The following CMSS1 variants were observed in gnomAD, a reference collection of about 807,000 sequenced individuals.
CMSS1 encodes protein CMSS1.
A neutral mutation model predicts 43.5 loss-of-function variants in CMSS1; 33 were observed. The observed-to-expected ratio is 0.76, with a 90% CI of 0.57 to 1.01. The LOEUF is 1.01. CMSS1 is among the 50% of genes least tolerant of loss of function. The pLI is 0.00. For synonymous variants in CMSS1, 115 were observed against 117.2 expected (o/e 0.98, Z 0.12); for missense variants, 313 against 326.4 (o/e 0.96, Z 0.32).
At chr3:100,005,560 A>G (rs1046969312) in intron 1 of CMSS1, among the ~76,000 whole-genome samples, 1 of 152,256 alleles carries the variant, frequency 6.6e-6, no homozygotes, top group African/African-American at 2.4e-5. Flanking sequence ...GTAATAAACC[A>G]AATTTTACAA....
chr3:100,010,855 C>CT (rs1390017437), intron 1 of CMSS1, among the ~76,000 whole-genome samples: 2 of 148,866 alleles, frequency 1.3e-5, no homozygotes, highest in African/African-American at 5.0e-5. Flanking sequence ...TCTCGAACTC[C>CT]TGACCTCATG....
intron 1 of CMSS1, chr3:99,875,996 G>GC: frequency 1.1e-6 from 1 of 933,200 alleles, no homozygotes; most frequent in Non-Finnish European, 1.3e-6. Flanking sequence ...AGCTTTAACA[G>GC]CCACCCACAG....
intron 1 of CMSS1, among the ~76,000 whole-genome samples, chr3:99,864,375 T>C (rs1219594277): frequency 6.6e-6 from 1 of 152,194 alleles, no homozygotes; most frequent in Non-Finnish European, 1.5e-5. Flanking sequence ...TCTCACTTAA[T>C]ACTTATAGCA....
At chr3:100,115,639 C>G (rs2066559506) in intron 1 of CMSS1, among the ~76,000 whole-genome samples, 1 of 137,128 alleles carries the variant, frequency 7.3e-6, no homozygotes, top group Middle Eastern at 3.6e-3. Flanking sequence ...GTCTCTCTCT[C>G]TCATCCTCCT....
intron 1 of CMSS1, among the ~76,000 whole-genome samples, chr3:99,872,878 C>T (rs1705304225): frequency 6.6e-6 from 1 of 150,540 alleles, no homozygotes; most frequent in Non-Finnish European, 1.5e-5. Context: ...CAGGCAGAGA[C>T]GATGTTAGTG....
At chr3:100,036,051 A>G (rs934417989) in intron 1 of CMSS1, among the ~76,000 whole-genome samples, 4 of 152,212 alleles carry the variant, frequency 2.6e-5, no homozygotes, top group Non-Finnish European at 5.9e-5. Flanking sequence ...ATAGAACCCA[A>G]AACTAAAAAC....
intron 1 of CMSS1, chr3:99,833,063 C>G (rs1322236359): frequency 1.6e-6 from 1 of 640,218 alleles, no homozygotes; most frequent in Non-Finnish European, 2.8e-6. Context: ...AGTGAATGTT[C>G]TACTCAGAGT....
In CMSS1 at chr3:99,871,724, T is replaced by A. The variant is rs1370531062; in HGVS notation, c.64+53681T>A. 3.3e-5 allele frequency among the ~76,000 whole-genome samples: 5 copies of A among 152,160 alleles called. No homozygotes were observed. In the East Asian group the frequency reaches 5.8e-4, roughly 18 times the overall value. ...TTAGCTGGAAGATACTAATAGAAGG[T>A]CATTTGTCAAGTTAGTGGTTCAGAC... is the stretch of plus-strand genomic sequence containing the variant. On this transcript the variant is annotated intron_variant, in intron 1 of 9. Transcript: ENST00000421999.
At position 100,062,100 on chromosome 3, in the gene CMSS1, T is replaced by C. The variant is rs2065579359; in HGVS notation, c.65-84873T>C. On this transcript the variant is annotated intron_variant, in intron 1 of 9. Coordinates refer to ENST00000421999, the MANE Select transcript of CMSS1 (RefSeq NM_032359.4). The stretch of plus-strand genomic sequence containing the variant: ...TGGTTATCCTGTCTTCTTCTTTTTT[T>C]TTTTTTTTTTTTTTTTTTTTTTTTT... Among the ~76,000 whole-genome samples, 3 of 58,384 alleles carry C rather than the reference T, an allele frequency of 5.1e-5. No homozygotes were observed. In the Admixed American group the frequency reaches 5.4e-4, roughly 10 times the overall value. The allele number at this position is 58,384 out of a possible 152,430, so 38.3% of individuals were successfully genotyped here.
intron 1 of CMSS1, among the ~76,000 whole-genome samples, chr3:99,835,563 A>T (rs1337614809): frequency 6.6e-6 from 1 of 152,196 alleles, no homozygotes; most frequent in Non-Finnish European, 1.5e-5. Context: ...ATGCCCAGAG[A>T]GCCTGTTAGG....
chr3:100,159,776 G>A (rs2067006948), intron 2 of CMSS1: 1 of 360,822 alleles, frequency 2.8e-6, no homozygotes, highest in East Asian at 7.5e-5. Context: ...TACTAAACTG[G>A]GGTACTCAGG....
chr3:100,134,582 G>A lies in CMSS1; in HGVS notation c.65-12391G>A, dbSNP rs991128517. On this transcript the variant is annotated intron_variant, in intron 1 of 9. Transcript: ENST00000421999. ...ACAGATAATATTAATAAACCAGATG[G>A]GATATAGGGAAAACAAGTATAAATC... Among the ~76,000 whole-genome samples, 4 of 152,166 alleles carry A rather than the reference G, an allele frequency of 2.6e-5. No homozygotes were observed. In the South Asian group the frequency reaches 6.2e-4, roughly 24 times the overall value.
At chr3:99,916,455 CA>C (rs1559686859) in intron 1 of CMSS1, among the ~76,000 whole-genome samples, 11 of 150,970 alleles carry the variant, frequency 7.3e-5, no homozygotes, top group African/African-American at 2.2e-4. Flanking sequence ...CACACACACA[CA>C]CACACACACA....
chr3:99,850,899 T>C, intron 1 of CMSS1: 1 of 1,614,194 alleles, frequency 6.2e-7, no homozygotes, highest in Non-Finnish European at 8.5e-7. Context: ...GCTCTTGGAT[T>C]TTCTGTCTTT....
intron 1 of CMSS1, among the ~76,000 whole-genome samples, chr3:99,866,516 T>C (rs894240057): frequency 6.6e-6 from 1 of 152,172 alleles, no homozygotes; most frequent in Non-Finnish European, 1.5e-5. Context: ...TGTGAAACAT[T>C]TTGATCCTTA....
chr3:99,996,280 CAA>C (rs1709678283), intron 1 of CMSS1, among the ~76,000 whole-genome samples: 1 of 152,186 alleles, frequency 6.6e-6, no homozygotes, highest in Non-Finnish European at 1.5e-5. Context: ...TAAAACATAA[CAA>C]GAGTCACCTT....
At chr3:100,115,231 G>A (rs145354113) in intron 1 of CMSS1, among the ~76,000 whole-genome samples, 1 of 152,082 alleles carries the variant, frequency 6.6e-6, no homozygotes, top group Non-Finnish European at 1.5e-5. Context: ...CACCTGCCCA[G>A]TGCTCAAGTC....
intron 1 of CMSS1, among the ~76,000 whole-genome samples, chr3:100,057,980 G>A (rs1361668990): frequency 5.3e-5 from 8 of 152,210 alleles, no homozygotes; most frequent in Non-Finnish European, 7.3e-5. Flanking sequence ...CTAGTTATTA[G>A]AGGCTGACTC....
At chr3:99,824,216 C>T (rs1942494357) in intron 1 of CMSS1, among the ~76,000 whole-genome samples, 1 of 152,136 alleles carries the variant, frequency 6.6e-6, no homozygotes, top group Admixed American at 6.5e-5. Flanking sequence ...CCACCAGGCC[C>T]GGCCAGCTGG....
Sources: allele counts gnomAD v4.1 joint callset (sites outside exome capture counted in the v4.1 genomes callset), GRCh38; gene constraint gnomAD v4.1.1; transcripts MANE v1.5; gene names NCBI Gene and HGNC (gene_info 2026-07-23, HGNC 2026-07-21).